The following IHO1 variants were observed in gnomAD, a reference collection of about 807,000 sequenced individuals.
IHO1 encodes the protein interactor of HORMAD1 protein 1.
A neutral mutation model predicts 31.0 loss-of-function variants in IHO1; 13 were observed. The ratio of observed to expected loss-of-function variants is 0.42; its 90% CI spans 0.27 to 0.67. The LOEUF is 0.67. Ranked by LOEUF, IHO1 falls within the 30% of genes least tolerant of loss-of-function variation. The pLI is 0.24. For missense variants in IHO1, 599 were observed against 687.5 expected (o/e 0.87, Z 1.44); for synonymous variants, 221 against 248.4 (o/e 0.89, Z 1.04).
intron 1 of IHO1, chr3:49,199,824 G>T (rs1250956757): frequency 6.6e-6 from 1 of 152,232 alleles, no homozygotes. Flanking sequence ...AGGGGTCCGC[G>T]ACCTCCTATC....
intron 2 of IHO1, among the ~76,000 whole-genome samples, chr3:49,219,663 C>T (rs1054456889): frequency 3.3e-5 from 5 of 152,094 alleles, no homozygotes; most frequent in African/African-American, 4.8e-5. Context: ...GGTGCCCATA[C>T]GTGGGGCTCG....
chr3:49,238,820 A>T (rs1380887549), intron 3 of IHO1, among the ~76,000 whole-genome samples: 1 of 152,092 alleles, frequency 6.6e-6, no homozygotes, highest in African/African-American at 2.4e-5. Context: ...ATCAAAGGGG[A>T]GGGGGAAGTT....
intron 2 of IHO1, chr3:49,228,463 A>T (rs947538713): frequency 1.8e-5 from 6 of 339,482 alleles, no homozygotes; most frequent in Non-Finnish European, 3.5e-5. Flanking sequence ...TCTAAGGAAA[A>T]ATAGAACAGA....
Sources: gnomAD v4.1 joint callset for allele counts (sites outside exome capture counted in the v4.1 genomes callset) on GRCh38, gnomAD v4.1.1 for gene constraint, MANE v1.5 for transcripts, NCBI Gene and HGNC (gene_info 2026-07-23, HGNC 2026-07-21) for gene names.